ROBO2: variants seen among roughly 807,000 people sequenced by gnomAD.
ROBO2 encodes roundabout homolog 2.
In ROBO2, 53 loss-of-function variants were observed where a neutral mutation model predicts 160.8. That is an observed-to-expected ratio of 0.33 (90% CI 0.26 to 0.41). The LOEUF is 0.41. Ranked by LOEUF, ROBO2 falls within the 10% of genes least tolerant of loss-of-function variation. The pLI is 1.00. For synonymous variants in ROBO2, 664 were observed against 611.7 expected (o/e 1.09, Z -1.26); for missense variants, 1,577 against 1,722.4 (o/e 0.92, Z 1.49).
At chr3:77,244,577 T>C (rs1248597220) in intron 2 of ROBO2, among the ~76,000 whole-genome samples, 1 of 152,054 alleles carries the variant, frequency 6.6e-6, no homozygotes, top group African/African-American at 2.4e-5. Flanking sequence ...GATAGAGATA[T>C]TTTAGAAAAT....
intron 2 of ROBO2, among the ~76,000 whole-genome samples, chr3:77,194,412 C>T (rs1416834616): frequency 6.6e-6 from 1 of 152,172 alleles, no homozygotes; most frequent in Admixed American, 6.6e-5. Flanking sequence ...GTTACTTAAT[C>T]TCACTTCCAT....
chr3:76,358,404 T>C (rs1387882914), intron 2 of ROBO2, among the ~76,000 whole-genome samples: 1 of 152,042 alleles, frequency 6.6e-6, no homozygotes, highest in Non-Finnish European at 1.5e-5. Flanking sequence ...TTCATTCTAA[T>C]AGTGTTGGTT....
chr3:76,375,609 A>G (rs1440101321), intron 2 of ROBO2, among the ~76,000 whole-genome samples: 1 of 152,032 alleles, frequency 6.6e-6, no homozygotes, highest in Non-Finnish European at 1.5e-5. Context: ...GCATACAAGG[A>G]AAGCAACTAA....
intron 5 of ROBO2, among the ~76,000 whole-genome samples, chr3:77,503,103 C>G (rs1001230136): frequency 6.6e-6 from 1 of 151,882 alleles, no homozygotes; most frequent in Non-Finnish European, 1.5e-5. Context: ...AGGATAAATT[C>G]TTGAGGGGAT....
chr3:76,741,745 A>G (rs866265098), intron 2 of ROBO2, among the ~76,000 whole-genome samples: 1 of 152,060 alleles, frequency 6.6e-6, no homozygotes, highest in Non-Finnish European at 1.5e-5. Context: ...CATAGTCATC[A>G]AAGATTAAAT....
intron 2 of ROBO2, among the ~76,000 whole-genome samples, chr3:76,337,871 A>G (rs1464467718): frequency 1.3e-5 from 2 of 152,326 alleles, no homozygotes; most frequent in East Asian, 1.9e-4. Flanking sequence ...CAAAAGTAAT[A>G]AAATTGATGA....
At chr3:76,960,437 A>C (rs1433868181) in intron 2 of ROBO2, among the ~76,000 whole-genome samples, 2 of 147,406 alleles carry the variant, frequency 1.4e-5, no homozygotes, top group Non-Finnish European at 3.1e-5. Context: ...ATGTATGTGC[A>C]TATATCTGTA....
At chr3:77,500,529 A>T (rs915111202) in intron 5 of ROBO2, among the ~76,000 whole-genome samples, 3 of 152,230 alleles carry the variant, frequency 2.0e-5, no homozygotes, top group African/African-American at 7.2e-5. Flanking sequence ...ATAACTAAAT[A>T]AACATAGTAT....
At chr3:76,855,868 C>G (rs919176871) in intron 2 of ROBO2, among the ~76,000 whole-genome samples, 5 of 151,766 alleles carry the variant, frequency 3.3e-5, no homozygotes, top group African/African-American at 1.2e-4. Context: ...TGGTATGAGC[C>G]AGAAAAAAAA....
chr3:76,194,697 G>A (rs1702178384), intron 2 of ROBO2, among the ~76,000 whole-genome samples: 1 of 151,226 alleles, frequency 6.6e-6, no homozygotes, highest in Non-Finnish European at 1.5e-5. Context: ...TCGACTCACT[G>A]CAACCTCCGA....
intron 23 of ROBO2, chr3:77,632,401 A>G (rs2095181806): frequency 9.1e-7 from 1 of 1,096,296 alleles, no homozygotes; most frequent in Non-Finnish European, 1.2e-6. Flanking sequence ...TTACTTGCTC[A>G]TTAGTATAGT....
intron 2 of ROBO2, among the ~76,000 whole-genome samples, chr3:76,029,296 G>A (rs2066841999): frequency 6.6e-6 from 1 of 151,916 alleles, no homozygotes; most frequent in East Asian, 1.9e-4. Context: ...TAAGTGTTCA[G>A]AAAAAACATG....
chr3:76,961,313 A>G (rs1397130058), intron 2 of ROBO2, among the ~76,000 whole-genome samples: 1 of 152,006 alleles, frequency 6.6e-6, no homozygotes, highest in Non-Finnish European at 1.5e-5. Flanking sequence ...ATGTAAAAAA[A>G]AAAAATCCAA....
At chr3:75,959,043 C>A (rs1948815238) in intron 2 of ROBO2, among the ~76,000 whole-genome samples, 2 of 151,852 alleles carry the variant, frequency 1.3e-5, no homozygotes, top group Admixed American at 6.6e-5. Context: ...ACTAGGAGAA[C>A]TATTTCTTTA....
At chr3:75,918,755 G>A (rs1276136878) in intron 1 of ROBO2, among the ~76,000 whole-genome samples, 2 of 152,034 alleles carry the variant, frequency 1.3e-5, no homozygotes, top group Admixed American at 6.6e-5. Context: ...CACATCCCTC[G>A]TAGGTTGTAT....
chr3:77,443,525 A>T (rs1318319331), intron 2 of ROBO2, among the ~76,000 whole-genome samples: 2 of 152,190 alleles, frequency 1.3e-5, no homozygotes, highest in Admixed American at 6.5e-5. Context: ...TGTCAAAATA[A>T]TATTGAAGAA....
chr3:77,208,624 A>C (rs2083721823), intron 2 of ROBO2, among the ~76,000 whole-genome samples: 1 of 152,218 alleles, frequency 6.6e-6, no homozygotes, highest in Admixed American at 6.5e-5. Flanking sequence ...TATTATTATA[A>C]AGCCATAAAT....
At chr3:75,911,145 A>C (rs1946563682) in intron 1 of ROBO2, among the ~76,000 whole-genome samples, 1 of 152,100 alleles carries the variant, frequency 6.6e-6, no homozygotes, top group Admixed American at 6.6e-5. Flanking sequence ...AATAGGACAA[A>C]TATGTTGAAC....
At chr3:77,198,847 G>A (rs2082552077) in intron 2 of ROBO2, among the ~76,000 whole-genome samples, 1 of 151,998 alleles carries the variant, frequency 6.6e-6, no homozygotes, top group Non-Finnish European at 1.5e-5. Flanking sequence ...AGGTTGCAGT[G>A]AGCTGAGATT....
Sources: gnomAD v4.1 joint callset for allele counts (sites outside exome capture counted in the v4.1 genomes callset) on GRCh38, gnomAD v4.1.1 for gene constraint, MANE v1.5 for transcripts, NCBI Gene and HGNC (gene_info 2026-07-23, HGNC 2026-07-21) for gene names.